Variants in RBM26 observed in about 807,000 individuals in gnomAD.
RBM26 encodes the protein RNA binding motif protein 26, also known as RNA-binding protein 26.
Under a neutral mutation model 123.6 loss-of-function variants are expected in RBM26, and 30 were observed. The ratio of observed to expected loss-of-function variants is 0.24; its 90% CI spans 0.18 to 0.33. RBM26 has a LOEUF of 0.33. Ranked by LOEUF, RBM26 falls within the 10% of genes least tolerant of loss-of-function variation. RBM26 has a pLI of 1.00. For synonymous variants in RBM26, 400 were observed against 404.4 expected, an observed-to-expected ratio of 0.99 and a Z score of 0.13; for missense variants, 947 against 1,203.6, an observed-to-expected ratio of 0.79 and a Z score of 3.15.
chr13:79,401,550 T>C (rs899934301), intron 1 of RBM26, among the ~76,000 whole-genome samples: 1 of 152,170 alleles, frequency 6.6e-6, no homozygotes, highest in Non-Finnish European at 1.5e-5. Flanking sequence ...AGTACAATAA[T>C]ACAAAATGTT....
chr13:79,394,076 T>G (rs7331766), intron 1 of RBM26, among the ~76,000 whole-genome samples: 76,768 of 152,000 alleles, frequency 0.51, 19,793 homozygotes, highest in Middle Eastern at 0.6. Context: ...AAAGCCGGGA[T>G]CCCCCGCAGA....
At chr13:79,338,841 T>C (rs748374703) in intron 18 of RBM26, among the ~76,000 whole-genome samples, 1 of 152,192 alleles carries the variant, frequency 6.6e-6, no homozygotes, top group Admixed American at 6.5e-5. Context: ...GCATTTAAGA[T>C]ACATTTAGGA....
At chr13:79,396,558 T>C (rs2078582341) in intron 1 of RBM26, among the ~76,000 whole-genome samples, 2 of 151,838 alleles carry the variant, frequency 1.3e-5, no homozygotes, top group Non-Finnish European at 2.9e-5. Context: ...GAAACAGAAA[T>C]ACCTACACAG....
intron 16 of RBM26, 97 bp from the exon 17 acceptor site, chr13:79,342,928 CT>C (rs1177615578): frequency 1.3e-5 from 10 of 758,522 alleles, no homozygotes; most frequent in East Asian, 2.9e-5. Flanking sequence ...AATATTACTA[CT>C]TTTTTTAGTT....
chr13:79,371,647 C>G (rs1346882553), intron 4 of RBM26, among the ~76,000 whole-genome samples, 195 bp downstream of exon 4: 1 of 151,744 alleles, frequency 6.6e-6, no homozygotes, highest in Non-Finnish European at 1.5e-5. Flanking sequence ...ATGTCAAGCA[C>G]TGTTCTAAAC....
intron 3 of RBM26, among the ~76,000 whole-genome samples, chr13:79,373,918 T>C (rs2076403215): frequency 6.6e-6 from 1 of 151,134 alleles, no homozygotes; most frequent in Non-Finnish European, 1.5e-5. Flanking sequence ...ACTATATTGT[T>C]GAGAATAATG....
chr13:79,375,096 T>TTATATATCATATAAATATATATTTATA lies in RBM26; in HGVS notation c.327+2282_327+2283insTATAAATATATATTTATATGATATATA, dbSNP rs1555332782. Among the ~76,000 whole-genome samples, 237 of 95,276 alleles carry TTATATATCATATAAATATATATTTATA rather than the reference T, an allele frequency of 2.5e-3. 2 individuals are homozygous for TTATATATCATATAAATATATATTTATA. The highest frequency in any genetic ancestry group is 5.5e-3 in the African/African-American group (150 of 27,230). The allele number at this position is 95,276 out of a possible 152,430, so 62.5% of individuals were successfully genotyped here. ...TTATATGATATATATAAATATATAT[T>TTATATATCATATAAATATATATTTATA]TATATATATCATATAAATATATATT... On this transcript the variant is annotated intron_variant, in intron 3 of 21. Transcript: ENST00000438737.
chr13:79,363,260 TA>T (rs1259129807), intron 9 of RBM26, among the ~76,000 whole-genome samples: 1 of 152,140 alleles, frequency 6.6e-6, no homozygotes, highest in African/African-American at 2.4e-5. Flanking sequence ...AAATTTAAAT[TA>T]AGGCCATCTA....
intron 15 of RBM26, among the ~76,000 whole-genome samples, 157 bp downstream of exon 15, chr13:79,344,512 A>G (rs2071964445): frequency 6.6e-6 from 1 of 152,108 alleles, no homozygotes; most frequent in Non-Finnish European, 1.5e-5. Context: ...TCAAAGAAAA[A>G]ATTTTTATTT....
At chr13:79,384,233 C>G (rs1418373484) in intron 1 of RBM26, among the ~76,000 whole-genome samples, 2 of 143,582 alleles carry the variant, frequency 1.4e-5, no homozygotes, top group Non-Finnish European at 3.0e-5. Flanking sequence ...GTTAAGGATA[C>G]AGCTAATAAA....
At chr13:79,330,115 A>C (rs1249509738) in intron 20 of RBM26, among the ~76,000 whole-genome samples, 1 of 152,222 alleles carries the variant, frequency 6.6e-6, no homozygotes, top group Non-Finnish European at 1.5e-5. Flanking sequence ...TACATTTTAT[A>C]ATTCTAATTT....
At position 79,405,757 on chromosome 13, in the gene RBM26, G is replaced by C; in HGVS notation, c.18C>G (p.Ile6Met). 6.3e-7 allele frequency: 1 copy of C among 1,597,524 alleles called. No individual in the cohort carries two copies. Among genetic ancestry groups the C allele is most frequent in the Non-Finnish European group, 8.5e-7 (1 of 1,171,432 alleles). Residue 6 changes from isoleucine (I) to methionine (M), a missense_variant, in exon 1 of 22, where the codon ATC becomes ATG. Ile to Met is a conservative substitution (Grantham distance 10). This residue lies in a region of RBM26 where 275 missense variants were observed against 361.0 expected (regional missense o/e 0.76). Coordinates refer to ENST00000438737, the MANE Select transcript of RBM26 (RefSeq NM_001366735.2). The stretch of plus-strand genomic sequence containing the variant: ...ACTTGAGTGCCTCGAAGTTTTCAAT[G>C]ATCATTTTAGAAACCATCCACAGCG... MVSKM[I>M]IENFEALKSW... is the part of the protein sequence containing the mutation.
At chr13:79,344,526 G>T in intron 15 of RBM26, 143 bp downstream of exon 15, 2 of 841,992 alleles carry the variant, frequency 2.4e-6, no homozygotes, top group Non-Finnish European at 1.8e-6. Flanking sequence ...TTTATTTACC[G>T]CTATACTATG....
rs2075608661 is a variant in RBM26, at chr13:79,369,009, G to A, written c.635-19C>T. 3.9e-6 allele frequency: 6 copies of A among 1,551,972 alleles called. No homozygotes were observed. Among genetic ancestry groups the A allele is most frequent in the Non-Finnish European group, 5.3e-6 (6 of 1,140,394 alleles). On this transcript the variant is annotated intron_variant, in intron 5 of 21. Coordinates refer to ENST00000438737, the MANE Select transcript of RBM26 (RefSeq NM_001366735.2). ...TCCCTTTCTGCAACGAAAGATAAAT[G>A]ACATATAAAACTACACTGTATTAAA...
intron 20 of RBM26, among the ~76,000 whole-genome samples, chr13:79,327,498 A>G (rs1389261169): frequency 1.3e-5 from 2 of 152,140 alleles, no homozygotes; most frequent in African/African-American, 2.4e-5. Flanking sequence ...AACAGAAAGT[A>G]GTATAAGTGT....
intron 11 of RBM26, 142 bp from the exon 12 acceptor site, chr13:79,355,526 C>T: frequency 1.6e-6 from 1 of 625,626 alleles, no homozygotes; most frequent in Non-Finnish European, 2.7e-6. Context: ...TAGTAGACCA[C>T]AGTCTACTTT....
intron 20 of RBM26, among the ~76,000 whole-genome samples, chr13:79,328,683 T>TAA (rs747906560): frequency 0.015 from 572 of 38,450 alleles, 18 homozygotes; most frequent in African/African-American, 0.029. Flanking sequence ...CTGCATTAAG[T>TAA]AAAAAAAAAA....
rs766690874 is a variant in RBM26 at position 79,371,815 on chromosome 13, C to A, written c.416+27G>T. On this transcript the variant is annotated intron_variant, in intron 4 of 21. Transcript: ENST00000438737. ...ATAAAAGATAACTTACATCGAAACACTGAGTATGGTTCAATGAACTGCTCA... is the reference window on the plus strand; with the variant it reads ...ATAAAAGATAACTTACATCGAAACAATGAGTATGGTTCAATGAACTGCTCA... The A allele has an allele frequency of 3.5e-6, 5 of 1,448,914 alleles. No individual in the cohort carries two copies. In the South Asian group the frequency reaches 4.6e-5, roughly 13 times the overall value. 89.8% of individuals were successfully genotyped at this position (1,448,914 alleles called of 1,614,324 possible).
At chr13:79,387,873 T>C (rs143877491) in intron 1 of RBM26, among the ~76,000 whole-genome samples, 108 of 152,290 alleles carry the variant, frequency 7.1e-4, no homozygotes, top group African/African-American at 2.5e-3. Context: ...TTGCCAGACC[T>C]ATATAATTTC....
Sources: gnomAD v4.1 joint callset for allele counts (sites outside exome capture counted in the v4.1 genomes callset) on GRCh38, gnomAD v4.1.1 for gene constraint, gnomAD v4.1.1 regional missense constraint, MANE v1.5 for transcripts, NCBI Gene and HGNC (gene_info 2026-07-23, HGNC 2026-07-21) for gene names.